The following SATB2 variants were observed in gnomAD, a reference collection of about 807,000 sequenced individuals.
SATB2 encodes the protein SATB homeobox 2.
Under a neutral mutation model 73.4 loss-of-function variants are expected in SATB2, and 1 was observed. That is an observed-to-expected ratio of 0.01 (90% CI 0.00 to 0.06). The LOEUF is 0.06. SATB2 is among the 10% of genes least tolerant of loss of function. SATB2 has a pLI of 1.00. For missense variants in SATB2, 459 were observed against 945.8 expected, an observed-to-expected ratio of 0.49 and a Z score of 6.75; for synonymous variants, 397 against 367.0, an observed-to-expected ratio of 1.08 and a Z score of -0.93.
chr2:199,337,812 C>T lies in SATB2; in HGVS notation c.1174-8902G>A, dbSNP rs569261929. Among the ~76,000 whole-genome samples, 3 of 152,242 alleles carry T rather than the reference C, an allele frequency of 2.0e-5. No individual in the cohort carries two copies. The East Asian group carries it at 5.8e-4, about 29-fold the overall frequency. ...TCAGCATTTCTGGCCTTTAAACTTC[C>T]TTCACTTTATTTGAGCAAATATGCA... On this transcript the variant is annotated intron_variant, in intron 7 of 10. Transcript: ENST00000417098.
intron 5 of SATB2, among the ~76,000 whole-genome samples, chr2:199,373,167 G>A (rs1235964191): frequency 6.6e-6 from 1 of 152,098 alleles, no homozygotes; most frequent in Non-Finnish European, 1.5e-5. Context: ...GAGGGAAGAG[G>A]AGGGGCATCC....
intron 2 of SATB2, among the ~76,000 whole-genome samples, chr2:199,434,595 G>A (rs553853061): frequency 7.2e-4 from 109 of 152,232 alleles, no homozygotes; most frequent in Admixed American, 1.1e-3. Context: ...TCTTCTTTTT[G>A]TGCAAGAAAA....
At chr2:199,320,657 A>C (rs1687859723) in intron 9 of SATB2, among the ~76,000 whole-genome samples, 1 of 152,106 alleles carries the variant, frequency 6.6e-6, no homozygotes, top group African/African-American at 2.4e-5. Flanking sequence ...ACAATGAACC[A>C]GTTTGCCACC....
chr2:199,320,224 T>C (rs1687848294), intron 9 of SATB2, among the ~76,000 whole-genome samples: 1 of 152,118 alleles, frequency 6.6e-6, no homozygotes, highest in African/African-American at 2.4e-5. Context: ...GCCTTTACAT[T>C]ATGGCTTCTA....
chr2:199,409,147 A>C (rs568757826), intron 3 of SATB2, among the ~76,000 whole-genome samples: 34 of 151,270 alleles, frequency 2.2e-4, no homozygotes, highest in Admixed American at 4.0e-4. Flanking sequence ...GCAAAGCTCC[A>C]ACATTTTCTT....
upstream of SATB2, chr2:199,460,671 G>T (rs1160976494): frequency 1.3e-5 from 2 of 152,296 alleles, no homozygotes; most frequent in Non-Finnish European, 2.9e-5. The surrounding 1 kb of genome is among the most constrained non-coding windows in gnomAD (Gnocchi z 4.0). Flanking sequence ...ACTGTCTGAA[G>T]ATCTTCATTT....
intron 9 of SATB2, among the ~76,000 whole-genome samples, chr2:199,319,880 T>C (rs1043194704): frequency 1.3e-5 from 2 of 151,348 alleles, no homozygotes; most frequent in African/African-American, 4.9e-5. Context: ...GTCTGGGAAA[T>C]GGGGTAATTG....
chr2:199,316,727 T>C (rs1298350293), intron 9 of SATB2, among the ~76,000 whole-genome samples: 1 of 152,068 alleles, frequency 6.6e-6, no homozygotes, highest in African/African-American at 2.4e-5. Flanking sequence ...ACACGGAATA[T>C]GCATAGCTAT....
intron 7 of SATB2, among the ~76,000 whole-genome samples, chr2:199,332,746 C>T (rs1688224000): frequency 6.6e-6 from 1 of 151,956 alleles, no homozygotes; most frequent in East Asian, 1.9e-4. Flanking sequence ...ATAGTTTGTC[C>T]CAAATTGTTA....
chr2:199,435,596 G>A (rs1408089603), intron 2 of SATB2, among the ~76,000 whole-genome samples: 1 of 151,964 alleles, frequency 6.6e-6, no homozygotes, highest in Non-Finnish European at 1.5e-5. Context: ...CACCTGCCTT[G>A]GCCTCCCAAA....
chr2:199,322,995 C>A (rs1374059501), intron 9 of SATB2, among the ~76,000 whole-genome samples: 3 of 152,098 alleles, frequency 2.0e-5, no homozygotes, highest in Non-Finnish European at 1.5e-5. Context: ...TTCCTCCACT[C>A]TGCATTAGGT....
rs372830951 is a variant in SATB2 at position 199,323,508 on chromosome 2, C to CACACACAT, written c.1542+294_1542+295insATGTGTGT. Reference sequence around the variant, plus strand: ...ACACACACACACACACACACACACACATATATAAAGGGAGAGAAACAAAAG... The same window carrying CACACACAT: ...ACACACACACACACACACACACACACACACACATATATATAAAGGGAGAGAAACAAAAG... On this transcript the variant is annotated intron_variant, in intron 9 of 10. Transcript: ENST00000417098. Among the ~76,000 whole-genome samples, 8,889 of 144,238 alleles carry CACACACAT rather than the reference C, an allele frequency of 0.062. 443 individuals carry two copies. The highest frequency in any genetic ancestry group is 0.19 in the East Asian group (904 of 4,724). 94.6% of individuals were successfully genotyped at this position (144,238 alleles called of 152,430 possible).
intron 6 of SATB2, among the ~76,000 whole-genome samples, chr2:199,355,348 C>CTATATATATATATATATATATATCTATA (rs1688948078): frequency 7.5e-6 from 1 of 134,186 alleles, no homozygotes; most frequent in African/African-American, 3.0e-5. Flanking sequence ...GTGTGTGTAT[C>CTATATATATATATATATATATATCTATA]TATATATATA....
intron 3 of SATB2, among the ~76,000 whole-genome samples, chr2:199,406,814 G>C (rs1690642812): frequency 6.6e-6 from 1 of 152,098 alleles, no homozygotes; most frequent in Non-Finnish European, 1.5e-5. Flanking sequence ...AATCATGTTA[G>C]GGGAGATGAT....
chr2:199,303,802 A>T (rs1338326432), intron 10 of SATB2, among the ~76,000 whole-genome samples: 1 of 152,168 alleles, frequency 6.6e-6, no homozygotes, highest in South Asian at 2.1e-4. Flanking sequence ...GTCAAGGGAC[A>T]ATGCTGGTGT....
At chr2:199,467,727 C>T (rs1261753880), upstream of SATB2, among the ~76,000 whole-genome samples, 1 of 152,174 alleles carries the variant, frequency 6.6e-6, no homozygotes, top group Non-Finnish European at 1.5e-5. Flanking sequence ...CAAGGTCTTT[C>T]AGCATCCCTA....
At chr2:199,360,120 T>C (rs188461507) in intron 6 of SATB2, among the ~76,000 whole-genome samples, 1 of 152,166 alleles carries the variant, frequency 6.6e-6, no homozygotes, top group African/African-American at 2.4e-5. Flanking sequence ...TAGGTAATAA[T>C]CTTTATTTAA....
At chr2:199,317,090 C>A (rs999183015) in intron 9 of SATB2, among the ~76,000 whole-genome samples, 1 of 151,878 alleles carries the variant, frequency 6.6e-6, no homozygotes, top group Non-Finnish European at 1.5e-5. Flanking sequence ...GTTGGGGAAA[C>A]CAGACAGGGC....
chr2:199,318,443 TA>T (rs1687795304), intron 9 of SATB2, among the ~76,000 whole-genome samples: 1 of 152,070 alleles, frequency 6.6e-6, no homozygotes, highest in Admixed American at 6.6e-5. Context: ...CTCTCCTACA[TA>T]AAAAAGTTGT....
Sources: gnomAD v4.1 joint callset for allele counts (sites outside exome capture counted in the v4.1 genomes callset) on GRCh38, gnomAD v4.1.1 for gene constraint, Gnocchi (gnomAD v3.1) non-coding constraint, MANE v1.5 for transcripts, NCBI Gene and HGNC (gene_info 2026-07-23, HGNC 2026-07-21) for gene names.